Variants in CAB39 observed in about 807,000 individuals in gnomAD.
CAB39 encodes calcium-binding protein 39.
CAB39 carries 8 observed loss-of-function variants against 40.0 expected under a neutral mutation model. That is an observed-to-expected ratio of 0.20 (90% CI 0.12 to 0.36). The LOEUF (loss-of-function observed/expected upper bound fraction) is 0.36. Among genes scored for constraint, CAB39 ranks in the 10% least tolerant of loss-of-function variants. The probability of loss-of-function intolerance (pLI) is 1.00; values close to 1 mark genes in which losing one functional copy is unlikely to be tolerated. For synonymous variants in CAB39, 156 were observed against 141.6 expected, an observed-to-expected ratio of 1.10 and a Z score of -0.72; for missense variants, 270 against 401.1, an observed-to-expected ratio of 0.67 and a Z score of 2.79.
chr2:230,786,435 A>G (rs1486799345), intron 2 of CAB39, among the ~76,000 whole-genome samples: 1 of 152,194 alleles, frequency 6.6e-6, no homozygotes. Flanking sequence ...TTTGAAGGGT[A>G]CAATTCAGTG....
chr2:230,720,094 T>C (rs1694420405), intron 1 of CAB39, among the ~76,000 whole-genome samples: 1 of 152,222 alleles, frequency 6.6e-6, no homozygotes, highest in African/African-American at 2.4e-5. Context: ...GTCAGTCTAT[T>C]TATTAACAAG....
At position 230,752,741 on chromosome 2, in the gene CAB39, T is replaced by C. The variant is rs142851759; in HGVS notation, c.-43-7218T>C. On this transcript the variant is annotated intron_variant, in intron 1 of 8. Transcript: ENST00000258418. ...GTGGAGAATGGTGAGGGTCTACCCT[T>C]AATGTCTGTAAAGATAGATTTAGAA... Among the ~76,000 whole-genome samples, 335 of 152,362 alleles carry C rather than the reference T, an allele frequency of 2.2e-3. 1 individual carries two copies. The highest frequency in any genetic ancestry group is 7.6e-3 in the African/African-American group (318 of 41,578).
chr2:230,785,308 G>A (rs1695769529), intron 2 of CAB39, among the ~76,000 whole-genome samples: 2 of 150,386 alleles, frequency 1.3e-5, no homozygotes, highest in South Asian at 2.2e-4. Context: ...CTTGGACTAT[G>A]GTAAATACAG....
chr2:230,717,145 CAG>C (rs779213019), intron 1 of CAB39, among the ~76,000 whole-genome samples: 4 of 152,000 alleles, frequency 2.6e-5, no homozygotes, highest in South Asian at 2.1e-4. Context: ...ATTTGGATAA[CAG>C]AAAAACTGGT....
intron 2 of CAB39, among the ~76,000 whole-genome samples, chr2:230,785,834 C>G (rs909483048): frequency 1.3e-5 from 2 of 151,734 alleles, no homozygotes; most frequent in Non-Finnish European, 2.9e-5. Context: ...AGGTGCATGC[C>G]ACCACACTCA....
intron 2 of CAB39, among the ~76,000 whole-genome samples, chr2:230,778,101 G>A (rs567888742): frequency 6.6e-6 from 1 of 152,278 alleles, no homozygotes; most frequent in African/African-American, 2.4e-5. Context: ...TTTAATGTCT[G>A]ACTTAGCCAT....
rs1694280108 is a variant in CAB39, at chr2:230,713,155, A to C, written c.-119A>C. ...GCCACTCCGCGGGGACCGAACGAGC[A>C]GCCCGAAGCGGCGGCGGCCGAGGAC... On this transcript the variant is annotated 5_prime_UTR_variant, in exon 1 of 9. Coordinates refer to ENST00000258418, the MANE Select transcript of CAB39 (RefSeq NM_016289.4). 1 of 152,184 alleles carries C rather than the reference A, an allele frequency of 6.6e-6. No individual in the cohort carries two copies. Among genetic ancestry groups the C allele is most frequent in the Non-Finnish European group, 1.5e-5 (1 of 68,104 alleles). 9.4% of individuals were successfully genotyped at this position (152,184 alleles called of 1,614,324 possible).
At chr2:230,777,566 C>T (rs947675606) in intron 2 of CAB39, among the ~76,000 whole-genome samples, 12 of 151,726 alleles carry the variant, frequency 7.9e-5, no homozygotes, top group African/African-American at 2.7e-4. Context: ...ATTACAGGTA[C>T]CTGGCTGATT....
At chr2:230,760,772 T>C (rs1418954983) in intron 2 of CAB39, among the ~76,000 whole-genome samples, 1 of 152,172 alleles carries the variant, frequency 6.6e-6, no homozygotes, top group African/African-American at 2.4e-5. Flanking sequence ...ACTTGCCCTC[T>C]CTTCCCTAAA....
intron 5 of CAB39, chr2:230,799,111 A>G (rs565822127): frequency 3.5e-5 from 16 of 460,804 alleles, no homozygotes; most frequent in South Asian, 2.8e-4. Flanking sequence ...CTAAAAGACA[A>G]AAGTCCTGTG....
chr2:230,772,983 A>T (rs1052675449), intron 2 of CAB39, among the ~76,000 whole-genome samples: 5 of 7,542 alleles, frequency 6.6e-4, no homozygotes, highest in Non-Finnish European at 2.1e-3. Context: ...ACTCAGCAAT[A>T]AAAAAAAAAA....
chr2:230,744,126 C>G (rs1054016478), intron 1 of CAB39, among the ~76,000 whole-genome samples: 3 of 151,964 alleles, frequency 2.0e-5, no homozygotes, highest in African/African-American at 7.3e-5. Context: ...ACCATTTTGG[C>G]CAGGCTGCTC....
chr2:230,725,670 T>A (rs139758828), intron 1 of CAB39, among the ~76,000 whole-genome samples: 19 of 152,258 alleles, frequency 1.2e-4, no homozygotes, highest in African/African-American at 4.6e-4. Flanking sequence ...CACATGATAC[T>A]GGAATGTAGA....
chr2:230,732,502 A>G (rs1458520684), intron 1 of CAB39, among the ~76,000 whole-genome samples: 1 of 152,228 alleles, frequency 6.6e-6, no homozygotes, highest in East Asian at 1.9e-4. Context: ...GTGTGCCTAC[A>G]GACATAATCT....
At chr2:230,732,884 A>G (rs1400068440) in intron 1 of CAB39, among the ~76,000 whole-genome samples, 2 of 152,224 alleles carry the variant, frequency 1.3e-5, no homozygotes, top group African/African-American at 4.8e-5. Context: ...TCCCCAATAA[A>G]TCTTGAGAAT....
At chr2:230,806,050 CT>C (rs1696187529) in intron 5 of CAB39, among the ~76,000 whole-genome samples, 1 of 152,174 alleles carries the variant, frequency 6.6e-6, no homozygotes, top group Non-Finnish European at 1.5e-5. Flanking sequence ...TAACTGAGGT[CT>C]TCCACTTGAG....
chr2:230,725,390 T>G (rs1276224957), intron 1 of CAB39: 3 of 1,599,842 alleles, frequency 1.9e-6, no homozygotes, highest in African/African-American at 2.7e-5. Flanking sequence ...TCGGTGCTTT[T>G]GGGAGGTTGT....
intron 1 of CAB39, among the ~76,000 whole-genome samples, chr2:230,757,643 A>ATC (rs1306975928): frequency 6.6e-6 from 1 of 152,186 alleles, no homozygotes; most frequent in Non-Finnish European, 1.5e-5. Flanking sequence ...AGCTGAAAAT[A>ATC]TCTCTGTTGC....
intron 5 of CAB39, among the ~76,000 whole-genome samples, chr2:230,808,576 TC>T (rs761469146): frequency 3.3e-5 from 5 of 152,188 alleles, no homozygotes; most frequent in Non-Finnish European, 7.4e-5. Context: ...TTCTTCTCCT[TC>T]CCCTGGAGGG....
Sources: allele counts gnomAD v4.1 joint callset (sites outside exome capture counted in the v4.1 genomes callset), GRCh38; gene constraint gnomAD v4.1.1; transcripts MANE v1.5; gene names NCBI Gene and HGNC (gene_info 2026-07-23, HGNC 2026-07-21).